Variants in AFF3 observed in about 807,000 individuals in gnomAD.
AFF3 encodes ALF transcription elongation factor 3.
AFF3 carries 32 observed loss-of-function variants against 129.7 expected under a neutral mutation model. That is an observed-to-expected ratio of 0.25 (90% CI 0.19 to 0.33). The LOEUF is 0.33. Ranked by LOEUF, AFF3 falls within the 10% of genes least tolerant of loss-of-function variation. AFF3 has a pLI of 1.00. For synonymous variants in AFF3, 644 were observed against 635.4 expected (o/e 1.01, Z -0.20); for missense variants, 1,373 against 1,592.0 (o/e 0.86, Z 2.34).
Position 99,679,690 on chromosome 2 carries a change from T to C in AFF3, c.1092-7101A>G, listed in dbSNP as rs141724424. Among the ~76,000 whole-genome samples, 61 of 152,354 alleles carry C rather than the reference T, an allele frequency of 4.0e-4. No homozygotes were observed. The East Asian group carries it at 0.012, about 29-fold the overall frequency. ...AGAGTCTGGGGTGGTGAAATAAATT[T>C]TGAAATGGCAGCTTGGAGGCTAGCC... On this transcript the variant is annotated intron_variant, in intron 11 of 24. Transcript: ENST00000672756.
chr2:99,868,310 T>C (rs1273461613), intron 7 of AFF3, among the ~76,000 whole-genome samples: 1 of 152,158 alleles, frequency 6.6e-6, no homozygotes, highest in Non-Finnish European at 1.5e-5. Flanking sequence ...AAGTAGCTAA[T>C]TGTATCTGCT....
At chr2:99,735,622 A>T (rs761184279) in intron 10 of AFF3, among the ~76,000 whole-genome samples, 5 of 152,092 alleles carry the variant, frequency 3.3e-5, no homozygotes, top group Admixed American at 6.5e-5. Flanking sequence ...TCTCCCGAGT[A>T]GCTGGGACTA....
chr2:99,970,404 C>T (rs1027765540), intron 7 of AFF3, among the ~76,000 whole-genome samples: 3 of 152,170 alleles, frequency 2.0e-5, no homozygotes, highest in African/African-American at 7.2e-5. Context: ...CATCTCCCTC[C>T]CTCACCTCCC....
At chr2:99,996,734 C>G (rs1446199136) in intron 7 of AFF3, among the ~76,000 whole-genome samples, 3 of 152,022 alleles carry the variant, frequency 2.0e-5, no homozygotes, top group African/African-American at 7.3e-5. Context: ...CTGTTACTTA[C>G]AAATTCTTTG....
intron 8 of AFF3, among the ~76,000 whole-genome samples, chr2:99,789,446 C>CA (rs34653301): frequency 0.76 from 47,541 of 62,170 alleles, 17,757 homozygotes; most frequent in South Asian, 0.85. Flanking sequence ...GCCCTGTCAC[C>CA]AAAAAAAAAA....
intron 4 of AFF3, among the ~76,000 whole-genome samples, chr2:100,104,168 C>G (rs981598278): frequency 3.3e-5 from 5 of 152,070 alleles, no homozygotes; most frequent in Non-Finnish European, 7.4e-5. Flanking sequence ...AGTCCCTGGG[C>G]TGGGGCGGGC....
chr2:99,966,429 G>A (rs1298765706), intron 7 of AFF3, among the ~76,000 whole-genome samples: 1 of 151,966 alleles, frequency 6.6e-6, no homozygotes. Flanking sequence ...GGTGGCTCAC[G>A]CCTGTAATCC....
At position 100,014,783 on chromosome 2, in the gene AFF3, C is replaced by CTTTTTTTTTTTTTTTTTT. The variant is rs60456923; in HGVS notation, c.54-5869_54-5852dup. On this transcript the variant is annotated intron_variant, in intron 4 of 24. Coordinates refer to ENST00000672756, the MANE Select transcript of AFF3 (RefSeq NM_001386135.1). The stretch of plus-strand genomic sequence containing the variant: ...CCATACCTCCATACCACCTTGCTTC[C>CTTTTTTTTTTTTTTTTTT]TTTTTTTTTTTTTTTTTTTAGACGG... Among the ~76,000 whole-genome samples the CTTTTTTTTTTTTTTTTTT allele has an allele frequency of 1.8e-3, 213 of 120,376 alleles. 10 individuals carry two copies. The highest frequency in any genetic ancestry group is 6.6e-3 in the African/African-American group (198 of 30,112). The allele number at this position is 120,376 out of a possible 152,430, so 79.0% of individuals were successfully genotyped here.
intron 14 of AFF3, 45 bp downstream of exon 14, chr2:99,601,390 A>C (rs1451775772): frequency 6.6e-7 from 1 of 1,522,710 alleles, no homozygotes; most frequent in Non-Finnish European, 8.8e-7. Context: ...ATCCTCATAG[A>C]GACAGAAGTG....
intron 4 of AFF3, among the ~76,000 whole-genome samples, chr2:100,090,747 G>C (rs1239758694): frequency 1.3e-5 from 2 of 152,132 alleles, no homozygotes; most frequent in Non-Finnish European, 2.9e-5. Flanking sequence ...TGCGATCTAG[G>C]CTCACTGCAA....
At chr2:99,895,273 G>A (rs1693855925) in intron 7 of AFF3, among the ~76,000 whole-genome samples, 1 of 152,202 alleles carries the variant, frequency 6.6e-6, no homozygotes, top group Non-Finnish European at 1.5e-5. Context: ...CAATGCCTGT[G>A]TCCAATCCCA....
Position 99,594,216 on chromosome 2 carries a change from A to C in AFF3, c.1445T>G (p.Ile482Ser). ...CCCGTGGCTTTCATTTTGGATCAGA[A>C]TAGGAGGCTTGTGGGGATTAACTTT... Reference protein sequence around the residue: ...LNKVNPHKPPILIQNESHGSE... With the variant: ...LNKVNPHKPPSLIQNESHGSE... The change falls in exon 15 of 25, where the codon ATT becomes AGT. Residue 482 changes from isoleucine to serine, a missense_variant. Physicochemically the swap from Ile to Ser is moderately radical, Grantham distance 142 (BLOSUM62 -2). Coordinates refer to ENST00000672756, the MANE Select transcript of AFF3 (RefSeq NM_001386135.1). The C allele has an allele frequency of 6.2e-7, 1 of 1,614,020 alleles. No individual in the cohort carries two copies. The highest frequency in any genetic ancestry group is 8.5e-7 in the Non-Finnish European group (1 of 1,179,930).
intron 4 of AFF3, among the ~76,000 whole-genome samples, chr2:100,074,310 T>C (rs992110089): frequency 3.3e-5 from 5 of 152,194 alleles, no homozygotes; most frequent in Non-Finnish European, 7.4e-5. Flanking sequence ...GTCCAAAGTA[T>C]TCCTCAGTAC....
chr2:99,950,178 A>G (rs1676012072), intron 7 of AFF3, among the ~76,000 whole-genome samples: 1 of 152,204 alleles, frequency 6.6e-6, no homozygotes, highest in Admixed American at 6.5e-5. Context: ...GCATCAACTC[A>G]GTTTGGACAA....
intron 22 of AFF3, among the ~76,000 whole-genome samples, chr2:99,557,626 A>T (rs1675064641): frequency 6.6e-6 from 1 of 152,164 alleles, no homozygotes; most frequent in African/African-American, 2.4e-5. Context: ...ATTTTTGAAC[A>T]CTATTGATGT....
chr2:99,972,882 C>G lies in AFF3; in HGVS notation c.873+33750G>C, dbSNP rs537187275. Among the ~76,000 whole-genome samples the G allele has an allele frequency of 2.3e-3, 355 of 152,318 alleles. 2 individuals are homozygous for G. Among genetic ancestry groups the G allele is most frequent in the African/African-American group, 8.2e-3 (341 of 41,586 alleles). ...CTTGGCTCCAGCTCTGCAGCCACTTCTGCTCAAAAGGTACGCTGCGTTGCT... is the reference window on the plus strand; with the variant it reads ...CTTGGCTCCAGCTCTGCAGCCACTTGTGCTCAAAAGGTACGCTGCGTTGCT... On this transcript the variant is annotated intron_variant, in intron 7 of 24. Transcript: ENST00000672756.
chr2:100,098,738 TC>T (rs897591270), intron 4 of AFF3, among the ~76,000 whole-genome samples: 2 of 107,228 alleles, frequency 1.9e-5, no homozygotes, highest in Non-Finnish European at 3.9e-5. Flanking sequence ...CCTGGGTTCC[TC>T]CTCCCTGGTA....
At chr2:99,592,266 C>G (rs1558613301) in intron 15 of AFF3, among the ~76,000 whole-genome samples, 1 of 152,226 alleles carries the variant, frequency 6.6e-6, no homozygotes, top group Admixed American at 6.5e-5. Flanking sequence ...CCTGGACTCA[C>G]CGCTTCCATT....
intron 4 of AFF3, among the ~76,000 whole-genome samples, chr2:100,027,665 CTAGT>C (rs752631468): frequency 6.6e-6 from 1 of 152,120 alleles, no homozygotes; most frequent in Non-Finnish European, 1.5e-5. Context: ...TTACTCCTAT[CTAGT>C]TAAACTTTGC....
Sources: gnomAD v4.1 joint callset for allele counts (sites outside exome capture counted in the v4.1 genomes callset) on GRCh38, gnomAD v4.1.1 for gene constraint, MANE v1.5 for transcripts, NCBI Gene and HGNC (gene_info 2026-07-23, HGNC 2026-07-21) for gene names.